The following INPP5E variants were observed in gnomAD, a reference collection of about 807,000 sequenced individuals.
INPP5E encodes the protein inositol polyphosphate-5-phosphatase E.
Under a neutral mutation model 50.5 loss-of-function variants are expected in INPP5E, and 34 were observed. The observed-to-expected ratio is 0.67, with a 90% CI of 0.51 to 0.90. INPP5E has a LOEUF of 0.90. Ranked by LOEUF, INPP5E falls within the 40% of genes least tolerant of loss-of-function variation. The pLI is 0.00. For synonymous variants in INPP5E, 447 were observed against 406.0 expected (o/e 1.10, Z -1.21); for missense variants, 942 against 905.5 (o/e 1.04, Z -0.52).
Position 136,439,015 on chromosome 9 carries a change from G to A in INPP5E, c.405C>T (p.Thr135=). 1 of 1,587,430 alleles carries A rather than the reference G, an allele frequency of 6.3e-7. No individual in the cohort carries two copies. The highest frequency in any genetic ancestry group is 8.6e-7 in the Non-Finnish European group (1 of 1,167,760). Residue 135 remains threonine, a synonymous_variant, in exon 1 of 10, where the codon ACC becomes ACT. Coordinates refer to ENST00000371712, the MANE Select transcript of INPP5E (RefSeq NM_019892.6). ...GGGACTTGGGGATTTCCTGCAAGGA[G>A]GTGCTCAGGCAGGGCGGGGAGCAGC... The part of the protein sequence containing the change: ...AHSCSPPCLS[T]SLQEIPKSRG...
At position 136,431,897 on chromosome 9, in the gene INPP5E, G is replaced by A; in HGVS notation, c.1476C>T (p.Leu492=). Residue 492 remains leucine, a synonymous_variant, in exon 7 of 10, where the codon CTC becomes CTT. Transcript: ENST00000371712. ...LSGGRTVVDA[L]LCQGLVVDVP... is the part of the protein sequence containing the mutation. The stretch of plus-strand genomic sequence containing the variant: ...CGTCCACCACCAGGCCCTGGCACAG[G>A]AGGGCGTCCACGACTGTGCGCCCGC... 1.2e-6 allele frequency: 2 copies of A among 1,610,918 alleles called. No homozygotes were observed. The highest frequency in any genetic ancestry group is 1.1e-5 in the South Asian group (1 of 90,932).
At chr9:136,434,995 C>G (rs1257638485) in intron 1 of INPP5E, 132 bp from the exon 2 acceptor site, 1 of 1,127,424 alleles carries the variant, frequency 8.9e-7, no homozygotes, top group African/African-American at 1.5e-5. Context: ...CAAGGACTCT[C>G]CTGGCCCCCG....
intron 8 of INPP5E, 47 bp from the exon 9 acceptor site, chr9:136,430,460 C>A: frequency 1.3e-6 from 2 of 1,550,098 alleles, no homozygotes; most frequent in Non-Finnish European, 8.7e-7. Context: ...TTGTGAGGAG[C>A]CGTGGGGCGT....
At position 136,439,267 on chromosome 9, in the gene INPP5E, G is replaced by A. The variant is rs1347439386; in HGVS notation, c.153C>T (p.Ala51=). ...CGCTGGGCGTGGCCGGAGTGCTGCA[G>A]GCAAGCGCGGGGCTCTCGGAGCCCG... ...DAPGSESPAL[A]CSTPATPSGE... is the part of the protein sequence containing the mutation. The change falls in exon 1 of 10, where the codon GCC becomes GCT. Residue 51 remains alanine, a synonymous_variant. Coordinates refer to ENST00000371712, the MANE Select transcript of INPP5E (RefSeq NM_019892.6). 2 of 1,478,616 alleles carry A rather than the reference G, an allele frequency of 1.4e-6. No individual in the cohort carries two copies. Among genetic ancestry groups the A allele is most frequent in the East Asian group, 2.6e-5 (1 of 38,268 alleles). 91.6% of individuals were successfully genotyped at this position (1,478,616 alleles called of 1,614,324 possible).
chr9:136,436,454 G>C (rs925641907), intron 1 of INPP5E: 1 of 152,564 alleles, frequency 6.6e-6, no homozygotes, highest in Non-Finnish European at 1.5e-5. Context: ...GTCTAGACAC[G>C]GGCAGGGGCA....
At position 136,431,884 on chromosome 9, in the gene INPP5E, G is replaced by A. The variant is rs768106872; in HGVS notation, c.1489C>T (p.Leu497=). 19 of 1,610,436 alleles carry A rather than the reference G, an allele frequency of 1.2e-5. No individual in the cohort carries two copies. In the East Asian group the frequency reaches 4.0e-4, roughly 34 times the overall value. The change falls in exon 7 of 10, where the codon CTG becomes TTG. Residue 497 remains leucine, a synonymous_variant. Coordinates refer to ENST00000371712, the MANE Select transcript of INPP5E (RefSeq NM_019892.6). ...AGCAGCGCCGGCACGTCCACCACCA[G>A]GCCCTGGCACAGGAGGGCGTCCACG... is the stretch of plus-strand genomic sequence containing the variant. ...TVVDALLCQG[L]VVDVPALLQH... is the part of the protein sequence containing the mutation.
At chr9:136,431,205 A>ACCCCCCCCCCCCCCCC in intron 7 of INPP5E, 88 bp from the exon 8 acceptor site, 1 of 678,074 alleles carries the variant, frequency 1.5e-6, no homozygotes, top group Non-Finnish European at 2.5e-6. Flanking sequence ...ATCTCCCACC[A>ACCCCCCCCCCCCCCCC]CGCCCACCCT....
At chr9:136,437,816 T>G (rs1374626025) in intron 1 of INPP5E, 1 of 152,416 alleles carries the variant, frequency 6.6e-6, no homozygotes, top group Admixed American at 6.5e-5. Flanking sequence ...CAAGTCATAG[T>G]GGGAGCATCT....
chr9:136,433,314 T>G (rs780987351), intron 3 of INPP5E, 35 bp from the exon 4 acceptor site: 15 of 1,554,168 alleles, frequency 9.7e-6, no homozygotes, highest in Non-Finnish European at 1.2e-5. Flanking sequence ...CTGGGGGACA[T>G]GGCCTCCCAG....
In INPP5E at chr9:136,438,929, A is replaced by AC. The variant is rs886041204; in HGVS notation, c.490dup (p.Val164GlyfsTer126). 1 of 1,570,338 alleles carries AC rather than the reference A, an allele frequency of 6.4e-7. No individual in the cohort carries two copies. The highest frequency in any genetic ancestry group is 8.6e-7 in the Non-Finnish European group (1 of 1,158,250). ...CGGGAGGTTCGGGGAGCTGCTGGCC[A>AC]CCCCAGAGAGAGGGTTACCCCCCGA... On this transcript the variant is annotated frameshift_variant, in exon 1 of 10. Coordinates refer to ENST00000371712, the MANE Select transcript of INPP5E (RefSeq NM_019892.6). LOFTEE classifies it high-confidence loss of function.
rs544203657 is a variant in INPP5E at position 136,429,462 on chromosome 9, G to A, written c.*213C>T. 8.0e-5 allele frequency: 55 copies of A among 684,960 alleles called. No homozygotes were observed. Among genetic ancestry groups the A allele is most frequent in the South Asian group, 7.7e-4 (48 of 62,104 alleles). 42.4% of individuals were successfully genotyped at this position (684,960 alleles called of 1,614,324 possible). On this transcript the variant is annotated 3_prime_UTR_variant, in exon 10 of 10. Transcript: ENST00000371712. Reference sequence around the variant, plus strand: ...TGCTGTATGGACCTGCCATGGAGACGGGGGTCCAAGCCCTGCCCACCCACA... The same window carrying A: ...TGCTGTATGGACCTGCCATGGAGACAGGGGTCCAAGCCCTGCCCACCCACA...
In INPP5E at chr9:136,439,068, T is replaced by C. The variant is rs1564437612; in HGVS notation, c.352A>G (p.Ser118Gly). ...GTSPSRGSVQ[S>G]EGPGAPAHSC... is the part of the protein sequence containing the mutation. ...TGGGCGGGGGCCCCGGGGCCCTCGC[T>C]CTGCACTGAGCCCCTGGAGGGACTG... Residue 118 changes from serine to glycine, a missense_variant, in exon 1 of 10, where the codon AGC becomes GGC. By Grantham distance (56) the Ser-to-Gly change is moderately conservative. Transcript: ENST00000371712. 6.4e-7 allele frequency: 1 copy of C among 1,568,452 alleles called. No individual in the cohort carries two copies. The highest frequency in any genetic ancestry group is 8.6e-7 in the Non-Finnish European group (1 of 1,157,554).
chr9:136,432,687 C>T (rs185523458), intron 5 of INPP5E, 101 bp from the exon 6 acceptor site: 154 of 944,890 alleles, frequency 1.6e-4, no homozygotes, highest in Middle Eastern at 4.2e-4. Context: ...GCACCCCCGG[C>T]AGACGCAACC....
At chr9:136,434,190 T>C in intron 2 of INPP5E, 56 bp from the exon 3 acceptor site, 3 of 1,227,090 alleles carry the variant, frequency 2.4e-6, no homozygotes, top group South Asian at 1.3e-5. Context: ...CAGGCGCCTG[T>C]GGGTGAATCC....
chr9:136,435,301 G>A (rs1017110167), intron 1 of INPP5E, among the ~76,000 whole-genome samples: 5 of 152,110 alleles, frequency 3.3e-5, no homozygotes, highest in Non-Finnish European at 4.4e-5. Context: ...ACGGAAACGC[G>A]TCCATCTCCT....
chr9:136,439,493 G>C lies in INPP5E; in HGVS notation c.-74C>G, dbSNP rs1835940519. ...GAGGGGTCACGGGTGCCGGGTCCGG[G>C]GTCGCCGGCGCAGCGAGGAGCAGAA... On this transcript the variant is annotated 5_prime_UTR_variant, in exon 1 of 10. Transcript: ENST00000371712. The C allele has an allele frequency of 8.7e-7, 1 of 1,155,950 alleles. No individual in the cohort carries two copies. The highest frequency in any genetic ancestry group is 1.1e-6 in the Non-Finnish European group (1 of 883,304). The allele number at this position is 1,155,950 out of a possible 1,614,324, so 71.6% of individuals were successfully genotyped here.
chr9:136,438,281 C>A lies in INPP5E; in HGVS notation c.812+327G>T, dbSNP rs1588838387. On this transcript the variant is annotated intron_variant, in intron 1 of 9. Coordinates refer to ENST00000371712, the MANE Select transcript of INPP5E (RefSeq NM_019892.6). ...CAGAGAGAGTAACAAACAAAAACAA[C>A]CAAAGGGGCGGATCGTATACATTGA... is the stretch of plus-strand genomic sequence containing the variant. 9 of 418,016 alleles carry A rather than the reference C, an allele frequency of 2.2e-5. No homozygotes were observed. In the East Asian group the frequency reaches 4.1e-4, roughly 19 times the overall value. The allele number at this position is 418,016 out of a possible 1,614,324, so 25.9% of individuals were successfully genotyped here. A position where few individuals can be genotyped will look rare whatever the true frequency, so the allele number is the denominator to read the frequency against.
chr9:136,432,482 C>T lies in INPP5E; in HGVS notation c.1384G>A (p.Ala462Thr), dbSNP rs200837258. 2.5e-5 allele frequency: 39 copies of T among 1,546,998 alleles called. No individual in the cohort carries two copies. Among genetic ancestry groups the T allele is most frequent in the African/African-American group, 1.1e-4 (8 of 73,134 alleles). Reference protein sequence around the residue: ...VPDTNPYRSSAADVTTRFDEV... With the variant: ...VPDTNPYRSSTADVTTRFDEV... ...CACGCAGCGTGGACGCCCTCACCTG[C>T]GCTGGAGCGATAGGGGTTGGTGTCG... Residue 462 changes from alanine (A) to threonine (T), a missense_variant, in exon 6 of 10, where the codon GCA (alanine) becomes ACA (threonine). Transcript: ENST00000371712.
At chr9:136,437,085 C>T (rs1228879326) in intron 1 of INPP5E, 1 of 152,250 alleles carries the variant, frequency 6.6e-6, no homozygotes, top group Non-Finnish European at 1.5e-5. Context: ...TTAACAAAAG[C>T]AGCAGTCTTG....
Sources: gnomAD v4.1 joint callset for allele counts (sites outside exome capture counted in the v4.1 genomes callset) on GRCh38, gnomAD v4.1.1 for gene constraint, MANE v1.5 for transcripts, NCBI Gene and HGNC (gene_info 2026-07-23, HGNC 2026-07-21) for gene names.